The following LRFN5 variants were observed in gnomAD, a reference collection of about 807,000 sequenced individuals.
LRFN5 encodes the protein leucine rich repeat and fibronectin type III domain containing 5.
A neutral mutation model predicts 45.6 loss-of-function variants in LRFN5; 24 were observed. The observed-to-expected ratio is 0.53, with a 90% CI of 0.38 to 0.74. The LOEUF (loss-of-function observed/expected upper bound fraction) is 0.74, where lower values mean the gene tolerates loss of function less well. Ranked by LOEUF, LRFN5 falls within the 30% of genes least tolerant of loss-of-function variation. The pLI, the probability that LRFN5 is intolerant of heterozygous loss-of-function variation, is 0.00. For missense variants in LRFN5, 776 were observed against 861.5 expected, an observed-to-expected ratio of 0.90 and a Z score of 1.24; for synonymous variants, 340 against 313.8, an observed-to-expected ratio of 1.08 and a Z score of -0.88.
At chr14:41,883,093 C>T (rs906148224) in intron 2 of LRFN5, among the ~76,000 whole-genome samples, 1 of 151,252 alleles carries the variant, frequency 6.6e-6, no homozygotes, top group Non-Finnish European at 1.5e-5. Flanking sequence ...GTAATCTGTC[C>T]CCCCGACCCT....
chr14:41,731,972 G>A (rs1884199017), intron 1 of LRFN5: 1 of 152,134 alleles, frequency 6.6e-6, no homozygotes, highest in South Asian at 2.1e-4. Context: ...ATAGTGAGAA[G>A]CACCAGAAAT....
chr14:41,653,234 T>C (rs1462297004), intron 1 of LRFN5, among the ~76,000 whole-genome samples: 1 of 152,172 alleles, frequency 6.6e-6, no homozygotes, highest in Non-Finnish European at 1.5e-5. Context: ...ATAAAGTCTT[T>C]GCCTGTGTTA....
intron 2 of LRFN5, among the ~76,000 whole-genome samples, chr14:41,886,019 CAAAAAA>C (rs35648547): frequency 3.4e-5 from 3 of 88,790 alleles, no homozygotes; most frequent in Admixed American, 2.9e-4. Flanking sequence ...AGGCTCGTCT[CAAAAAA>C]AAAAAAAAAA....
At chr14:41,737,905 T>C (rs891340151) in intron 1 of LRFN5, among the ~76,000 whole-genome samples, 2 of 152,070 alleles carry the variant, frequency 1.3e-5, no homozygotes, top group Non-Finnish European at 2.9e-5. Context: ...ATCAATATCA[T>C]GTAAATGGTC....
chr14:41,734,940 C>A (rs981404151), intron 1 of LRFN5, among the ~76,000 whole-genome samples: 2 of 151,884 alleles, frequency 1.3e-5, no homozygotes, highest in African/African-American at 2.4e-5. Context: ...CCCTGACAAC[C>A]AAAAAAGTGT....
chr14:41,817,573 TC>T (rs1887965432), intron 2 of LRFN5, among the ~76,000 whole-genome samples: 1 of 152,138 alleles, frequency 6.6e-6, no homozygotes, highest in South Asian at 2.1e-4. Context: ...GTATTTCTCT[TC>T]CTCCAGGTCA....
At chr14:41,763,991 T>A (rs184707132) in intron 1 of LRFN5, among the ~76,000 whole-genome samples, 1 of 152,160 alleles carries the variant, frequency 6.6e-6, no homozygotes, top group Non-Finnish European at 1.5e-5. Flanking sequence ...TGACCATAAT[T>A]TTTTATAGGA....
chr14:41,887,828 C>T lies in LRFN5; in HGVS notation c.1203C>T (p.Thr401=), dbSNP rs767072317. Residue 401 remains threonine (T), a synonymous_variant, in exon 3 of 6, where the codon ACC becomes ACT. Transcript: ENST00000298119. The surrounding 1 kb of genome is among the most constrained non-coding windows in gnomAD (Gnocchi z 4.8). The part of the protein sequence containing the change: ...DPGSSDISTS[T]KSGSNTSSSN... ...GTTCTTCAGATATCTCAACTTCTAC[C>T]AAGTCAGGTTCTAATACAAGCAGTA... is the stretch of plus-strand genomic sequence containing the variant. 1.2e-6 allele frequency: 2 copies of T among 1,613,832 alleles called. No individual in the cohort carries two copies. Among genetic ancestry groups the T allele is most frequent in the Non-Finnish European group, 1.7e-6 (2 of 1,179,978 alleles).
chr14:41,639,106 G>T (rs1001980842), intron 1 of LRFN5, among the ~76,000 whole-genome samples: 1 of 151,932 alleles, frequency 6.6e-6, no homozygotes, highest in African/African-American at 2.4e-5. Context: ...GTATTAGTTT[G>T]TCTCTATTGA....
chr14:41,866,136 A>G (rs972324886), intron 2 of LRFN5, among the ~76,000 whole-genome samples: 1 of 152,148 alleles, frequency 6.6e-6, no homozygotes, highest in Non-Finnish European at 1.5e-5. Flanking sequence ...CAAGGCCACA[A>G]CAATTTACAC....
At chr14:41,741,299 A>C (rs1884680328) in intron 1 of LRFN5, among the ~76,000 whole-genome samples, 1 of 151,776 alleles carries the variant, frequency 6.6e-6, no homozygotes, top group South Asian at 2.1e-4. Context: ...CTGATTTCAA[A>C]ATAGATTATA....
chr14:41,892,730 A>G, intron 4 of LRFN5: 1 of 985,340 alleles, frequency 1.0e-6, no homozygotes, highest in South Asian at 4.7e-5. Flanking sequence ...TGGTTGTAAG[A>G]TATTTCTCCT....
chr14:41,831,762 T>C (rs1214260308), intron 2 of LRFN5, among the ~76,000 whole-genome samples: 3 of 152,202 alleles, frequency 2.0e-5, no homozygotes, highest in Admixed American at 6.5e-5. Flanking sequence ...CCTTATATAT[T>C]CCATTTCCCT....
At chr14:41,684,056 A>G (rs895735603) in intron 1 of LRFN5, among the ~76,000 whole-genome samples, 6 of 152,190 alleles carry the variant, frequency 3.9e-5, no homozygotes, top group African/African-American at 1.4e-4. Flanking sequence ...TATACTACAC[A>G]GCTATAGTAT....
intron 1 of LRFN5, among the ~76,000 whole-genome samples, chr14:41,727,134 C>T (rs8019203): frequency 0.045 from 6,824 of 152,192 alleles, 338 homozygotes; most frequent in African/African-American, 0.12. Context: ...TTTTACTAAT[C>T]ATTTATTTGA....
intron 1 of LRFN5, among the ~76,000 whole-genome samples, chr14:41,674,585 G>A (rs561140230): frequency 2.7e-5 from 4 of 147,544 alleles, no homozygotes; most frequent in South Asian, 2.2e-4. Context: ...AGGACGGGGC[G>A]GCTGGCCGGG....
chr14:41,784,108 AT>A (rs1886633265), intron 2 of LRFN5, among the ~76,000 whole-genome samples: 1 of 152,004 alleles, frequency 6.6e-6, no homozygotes, highest in Non-Finnish European at 1.5e-5. Context: ...TAACGACAAA[AT>A]TTTCTTTACA....
chr14:41,818,132 G>A (rs931528643), intron 2 of LRFN5, among the ~76,000 whole-genome samples: 1 of 151,980 alleles, frequency 6.6e-6, no homozygotes, highest in Non-Finnish European at 1.5e-5. Context: ...AAAAAATCAT[G>A]CTAACTGCAT....
chr14:41,830,457 C>T (rs911334236), intron 2 of LRFN5, among the ~76,000 whole-genome samples: 1 of 152,008 alleles, frequency 6.6e-6, no homozygotes, highest in Admixed American at 6.6e-5. Flanking sequence ...TTCAATACTG[C>T]TGTTTGATAT....
Sources: allele counts gnomAD v4.1 joint callset (sites outside exome capture counted in the v4.1 genomes callset), GRCh38; gene constraint gnomAD v4.1.1; non-coding constraint Gnocchi (gnomAD v3.1); transcripts MANE v1.5; gene names NCBI Gene and HGNC (gene_info 2026-07-23, HGNC 2026-07-21).